The following OPCML variants were observed in gnomAD, a reference collection of about 807,000 sequenced individuals.
OPCML encodes the protein opioid binding protein/cell adhesion molecule like.
Under a neutral mutation model 37.8 loss-of-function variants are expected in OPCML, and 13 were observed. That is an observed-to-expected ratio of 0.34 (90% confidence interval 0.22 to 0.55). The LOEUF (loss-of-function observed/expected upper bound fraction) is 0.55. OPCML is among the 20% of genes least tolerant of loss of function. The probability of loss-of-function intolerance (pLI) is 0.91; values close to 1 mark genes in which losing one functional copy is unlikely to be tolerated. For synonymous variants in OPCML, 176 were observed against 168.8 expected (o/e 1.04, Z -0.33); for missense variants, 341 against 435.6 (o/e 0.78, Z 1.93).
chr11:133,153,237 A>G (rs1017220571), intron 1 of OPCML, among the ~76,000 whole-genome samples: 5 of 152,112 alleles, frequency 3.3e-5, no homozygotes, highest in African/African-American at 1.2e-4. Context: ...TTCTCGGAAG[A>G]TGGGGGAGGT....
chr11:132,622,790 G>A (rs761942932), intron 3 of OPCML, among the ~76,000 whole-genome samples: 6 of 152,228 alleles, frequency 3.9e-5, no homozygotes, highest in African/African-American at 9.6e-5. Context: ...CTTGTCTTGT[G>A]TTGATCCTGG....
intron 1 of OPCML, among the ~76,000 whole-genome samples, chr11:133,243,686 T>C (rs1312271050): frequency 4.6e-5 from 7 of 152,214 alleles, no homozygotes. Flanking sequence ...CTGGAATTTT[T>C]TGCAGGGGAT....
chr11:132,626,530 G>T (rs372122401), intron 3 of OPCML, among the ~76,000 whole-genome samples: 15 of 152,036 alleles, frequency 9.9e-5, no homozygotes, highest in Admixed American at 7.2e-4. Context: ...ATTCAGATAA[G>T]GTGTATAGAA....
intron 1 of OPCML, among the ~76,000 whole-genome samples, chr11:133,191,665 C>T (rs137888088): frequency 7.2e-5 from 11 of 152,046 alleles, no homozygotes; most frequent in African/African-American, 2.2e-4. Context: ...GGCTTATTTT[C>T]GTATTTTTAG....
intron 1 of OPCML, among the ~76,000 whole-genome samples, chr11:133,466,177 C>CTT (rs200443488): frequency 0.016 from 2,361 of 152,244 alleles, 60 homozygotes; most frequent in African/African-American, 0.053. Flanking sequence ...GTAATGTACA[C>CTT]TTTTTGATGT....
chr11:132,459,451 A>C (rs988645942), intron 4 of OPCML, among the ~76,000 whole-genome samples: 1 of 147,924 alleles, frequency 6.8e-6, no homozygotes, highest in African/African-American at 2.5e-5. Context: ...ATACATACAT[A>C]TCTACTTCCT....
intron 2 of OPCML, among the ~76,000 whole-genome samples, chr11:132,741,952 C>T (rs1945446766): frequency 6.6e-6 from 1 of 151,876 alleles, no homozygotes; most frequent in Admixed American, 6.6e-5. Flanking sequence ...TCACTTGAAC[C>T]CGGGAGGTGG....
intron 2 of OPCML, among the ~76,000 whole-genome samples, chr11:132,679,238 T>C (rs1002149334): frequency 4.6e-5 from 7 of 152,132 alleles, no homozygotes; most frequent in African/African-American, 1.7e-4. Flanking sequence ...AGTAAGTCTA[T>C]TCCTAGATAC....
intron 1 of OPCML, among the ~76,000 whole-genome samples, chr11:133,310,028 A>AATTGT (rs1236472126): frequency 6.6e-6 from 1 of 152,208 alleles, no homozygotes; most frequent in Admixed American, 6.5e-5. Context: ...TGGAAATATA[A>AATTGT]ATTGTGAAGT....
intron 1 of OPCML, among the ~76,000 whole-genome samples, chr11:133,320,184 C>T (rs1287236692): frequency 6.6e-6 from 1 of 152,194 alleles, no homozygotes; most frequent in Non-Finnish European, 1.5e-5. Context: ...GACTGACACA[C>T]TTAATTTTTC....
intron 3 of OPCML, among the ~76,000 whole-genome samples, chr11:132,635,475 T>A (rs1390213015): frequency 6.6e-6 from 1 of 151,962 alleles, no homozygotes; most frequent in Non-Finnish European, 1.5e-5. Flanking sequence ...AGACTCATTT[T>A]TTTCCCCAGT....
chr11:133,458,268 A>G (rs1301022119), intron 1 of OPCML, among the ~76,000 whole-genome samples: 8 of 70,334 alleles, frequency 1.1e-4, no homozygotes, highest in African/African-American at 2.8e-4. Flanking sequence ...ACGTGTGTGT[A>G]TATATACACA....
At chr11:133,215,972 C>T (rs920564721) in intron 1 of OPCML, among the ~76,000 whole-genome samples, 3 of 152,256 alleles carry the variant, frequency 2.0e-5, no homozygotes, top group East Asian at 3.9e-4. Context: ...GGCCTTGTAA[C>T]TGATGAATAG....
At chr11:132,854,626 A>C (rs1254074126) in intron 2 of OPCML, among the ~76,000 whole-genome samples, 2 of 152,238 alleles carry the variant, frequency 1.3e-5, no homozygotes, top group Non-Finnish European at 2.9e-5. Flanking sequence ...GGAGGAAACA[A>C]GGATAAAAAC....
intron 2 of OPCML, among the ~76,000 whole-genome samples, chr11:132,901,656 C>T (rs1439865688): frequency 4.6e-5 from 7 of 152,170 alleles, no homozygotes; most frequent in African/African-American, 9.6e-5. Context: ...CCCCAGGCAC[C>T]GTGCTTCTCC....
chr11:133,492,992 G>C (rs556289879), intron 1 of OPCML, among the ~76,000 whole-genome samples: 315 of 152,316 alleles, frequency 2.1e-3, no homozygotes, highest in Middle Eastern at 3.4e-3. Flanking sequence ...GAAGGGTTCA[G>C]TTAGGCTCTG....
intron 3 of OPCML, among the ~76,000 whole-genome samples, chr11:132,582,677 G>T (rs947604741): frequency 5.0e-4 from 76 of 152,214 alleles, no homozygotes; most frequent in African/African-American, 1.6e-3. Flanking sequence ...AGTTACGAAA[G>T]TTTCCAGGAC....
At chr11:132,706,433 C>A (rs1229811750) in intron 2 of OPCML, among the ~76,000 whole-genome samples, 1 of 152,132 alleles carries the variant, frequency 6.6e-6, no homozygotes. Flanking sequence ...TTCCCCCTAC[C>A]AGGCACAACT....
chr11:132,788,497 C>T (rs1937662007), intron 2 of OPCML, among the ~76,000 whole-genome samples: 1 of 152,190 alleles, frequency 6.6e-6, no homozygotes, highest in Non-Finnish European at 1.5e-5. Context: ...AGTTTCCTCA[C>T]TTCCCCTCTT....
Sources: gnomAD v4.1 joint callset for allele counts (sites outside exome capture counted in the v4.1 genomes callset) on GRCh38, gnomAD v4.1.1 for gene constraint, MANE v1.5 for transcripts, NCBI Gene and HGNC (gene_info 2026-07-23, HGNC 2026-07-21) for gene names.